PECAM1: variants seen among roughly 807,000 people sequenced by gnomAD.
The protein encoded by PECAM1 is platelet and endothelial cell adhesion molecule 1.
A neutral mutation model predicts 13.8 loss-of-function variants in PECAM1; 8 were observed. That is an observed-to-expected ratio of 0.58 (90% CI 0.34 to 1.05). PECAM1 has a LOEUF of 1.05. PECAM1 is among the 50% of genes least tolerant of loss of function. PECAM1 has a pLI of 0.03. For synonymous variants in PECAM1, 136 were observed against 52.6 expected (o/e 2.58, Z -6.86); for missense variants, 304 against 141.2 (o/e 2.15, Z -5.84).
rs1243165932 is a variant in PECAM1, at chr17:64,356,093, A to G, written c.1780+18T>C. On this transcript the variant is annotated intron_variant, in intron 8 of 15. Transcript: ENST00000563924. The stretch of plus-strand genomic sequence containing the variant: ...TTGGGAGCCCACAGCACAGCTTGCT[A>G]TGGAGACCCTGACTCACCTCTGACT... 3 of 475,030 alleles carry G rather than the reference A, an allele frequency of 6.3e-6. No homozygotes were observed. Among genetic ancestry groups the G allele is most frequent in the Non-Finnish European group, 7.7e-6 (2 of 259,170 alleles). The allele number at this position is 475,030 out of a possible 1,614,324, so 29.4% of individuals were successfully genotyped here.
chr17:64,366,725 C>CA (rs2036114349), intron 5 of PECAM1, among the ~76,000 whole-genome samples: 2 of 147,930 alleles, frequency 1.4e-5, no homozygotes, highest in Non-Finnish European at 1.5e-5. Flanking sequence ...ATAGCAAGGA[C>CA]AAAAAACCAA....
Position 64,356,144 on chromosome 17 carries a change from T to C in PECAM1, c.1747A>G (p.Ser583Gly), listed in dbSNP as rs1034575787. 2.0e-4 allele frequency: 96 copies of C among 475,272 alleles called. No homozygotes were observed. Among genetic ancestry groups the C allele is most frequent in the East Asian group, 1.7e-3 (53 of 31,982 alleles). 29.4% of individuals were successfully genotyped at this position (475,272 alleles called of 1,614,324 possible). ...TAFNRANHAS[S>G]VPRSKILTVR... is the part of the protein sequence containing the mutation. ...GTCAGTATTTTGCTTCTGGGGACAC[T>C]GGAGGCGTGGTTGGCTCTGTTGAAG... The change falls in exon 8 of 16, where the codon AGT becomes GGT. Residue 583 changes from serine to glycine, a missense_variant. Ser to Gly is a moderately conservative substitution (Grantham distance 56). Transcript: ENST00000563924.
rs1195479057 is a variant in PECAM1 at position 64,366,465 on chromosome 17, C to T, written c.968-3068G>A. ...GAAATACCATTTGACCCAGCCATCC[C>T]ATTACTGGGTATATACCCAAAGGAC... On this transcript the variant is annotated intron_variant, in intron 5 of 15. Coordinates refer to ENST00000563924, the MANE Select transcript of PECAM1 (RefSeq NM_000442.5). Among the ~76,000 whole-genome samples the T allele has an allele frequency of 2.0e-5, 3 of 149,950 alleles. No homozygotes were observed. The East Asian group carries it at 6.0e-4, about 30-fold the overall frequency.
In PECAM1 at chr17:64,387,204, C is replaced by T. The variant is rs994323850; in HGVS notation, c.91+3285G>A. Among the ~76,000 whole-genome samples the T allele has an allele frequency of 2.6e-5, 4 of 152,098 alleles. 1 individual carries two copies. The highest frequency in any genetic ancestry group is 9.7e-5 in the African/African-American group (4 of 41,402). On this transcript the variant is annotated intron_variant, in intron 2 of 15. Transcript: ENST00000563924. ...AAGGCAGGAAAGGGGTACAGGGAGC[C>T]GAGGGCTGGAAGTGTCCGTTGCATT... is the stretch of plus-strand genomic sequence containing the variant.
rs1012307884 is a variant in PECAM1 at position 64,352,478 on chromosome 17, T to G, written c.1917-15A>C. 191 of 471,812 alleles carry G rather than the reference T, an allele frequency of 4.0e-4. 1 individual carries two copies. Among genetic ancestry groups the G allele is most frequent in the Middle Eastern group, 2.4e-3 (4 of 1,654 alleles). The allele number at this position is 471,812 out of a possible 1,614,324, so 29.2% of individuals were successfully genotyped here. A position where few individuals can be genotyped will look rare whatever the true frequency, so the allele number is the denominator to read the frequency against. ...GTACTGCTGGCCTTAAAATGAAATA[T>G]AAAAACAGAAAACAATATATAGATA... On this transcript the variant is annotated splice_polypyrimidine_tract_variant and intron_variant, in intron 10 of 15. Coordinates refer to ENST00000563924, the MANE Select transcript of PECAM1 (RefSeq NM_000442.5).
chr17:64,390,345 T>A, intron 2 of PECAM1, 144 bp downstream of exon 2: 1 of 409,334 alleles, frequency 2.4e-6, no homozygotes. Context: ...CCACATGGGA[T>A]AAACTTTAGT....
intron 14 of PECAM1, among the ~76,000 whole-genome samples, chr17:64,337,210 C>G (rs2035303595): frequency 6.6e-6 from 1 of 152,116 alleles, no homozygotes; most frequent in Non-Finnish European, 1.5e-5. Flanking sequence ...CACCCCTGGG[C>G]AGGTTAGAGA....
chr17:64,345,613 T>A (rs1402062988), intron 13 of PECAM1, among the ~76,000 whole-genome samples: 1 of 149,956 alleles, frequency 6.7e-6, no homozygotes, highest in Non-Finnish European at 1.5e-5. Flanking sequence ...CTCAGGAGGC[T>A]GAGGCAGGAG....
chr17:64,386,282 G>T (rs919904285), intron 2 of PECAM1, among the ~76,000 whole-genome samples: 1 of 151,932 alleles, frequency 6.6e-6, no homozygotes, highest in South Asian at 2.1e-4. Flanking sequence ...GTTCGTGCCT[G>T]TAATTGCAGC....
chr17:64,373,398 G>C (rs1244834791), intron 4 of PECAM1, among the ~76,000 whole-genome samples: 1 of 152,024 alleles, frequency 6.6e-6, no homozygotes, highest in African/African-American at 2.4e-5. Flanking sequence ...CAAGTTCTGA[G>C]TTCTAAAATG....
intron 11 of PECAM1, among the ~76,000 whole-genome samples, chr17:64,352,068 C>T (rs8069177): frequency 0.91 from 138,182 of 152,236 alleles, 63,658 homozygotes; most frequent in East Asian, 1. Flanking sequence ...TCATTCAATA[C>T]CTGGTCTCTG....
At chr17:64,324,363 C>T (rs1555645189) in intron 15 of PECAM1, among the ~76,000 whole-genome samples, 2 of 152,232 alleles carry the variant, frequency 1.3e-5, no homozygotes, top group African/African-American at 4.8e-5. Context: ...CCCTCCCTCT[C>T]CTGGCTCCTG....
intron 14 of PECAM1, among the ~76,000 whole-genome samples, chr17:64,331,354 T>G (rs2035113339): frequency 2.0e-5 from 3 of 152,038 alleles, no homozygotes; most frequent in Admixed American, 6.6e-5. Context: ...GCCGGGTAAT[T>G]TTTGTATTTT....
chr17:64,353,811 C>T (rs1349213679), intron 9 of PECAM1, among the ~76,000 whole-genome samples: 1 of 151,958 alleles, frequency 6.6e-6, no homozygotes, highest in Non-Finnish European at 1.5e-5. Context: ...AAGATATTTC[C>T]CCAGAAACAT....
rs542533080 is a variant in PECAM1 at position 64,324,020 on chromosome 17, T to C, written c.2188-175A>G. ...TCTGTGACTTCAGAGGCCCAAGGAG[T>C]CCTCAGCACTACAGATACACGTGGC... On this transcript the variant is annotated intron_variant, in intron 15 of 15. Transcript: ENST00000563924. 163 of 857,360 alleles carry C rather than the reference T, an allele frequency of 1.9e-4. No individual in the cohort carries two copies. In the African/African-American group the frequency reaches 2.2e-3, roughly 12 times the overall value. 53.1% of individuals were successfully genotyped at this position (857,360 alleles called of 1,614,324 possible). A position where few individuals can be genotyped will look rare whatever the true frequency, so the allele number is the denominator to read the frequency against.
chr17:64,355,038 T>G lies in PECAM1; in HGVS notation c.1783A>C (p.Ile595Leu). The change falls in exon 9 of 16, where the codon ATT (isoleucine) becomes CTT (leucine). Residue 595 changes from isoleucine (I) to leucine (L), a missense_variant and splice_region_variant. Physicochemically the swap from Ile to Leu is conservative, Grantham distance 5 (BLOSUM62 2). Coordinates refer to ENST00000563924, the MANE Select transcript of PECAM1 (RefSeq NM_000442.5). ...AGTCCTTTCTTCCATGGGGCAAGAA[T>G]GACTGAAAACAAAACAAAACAAAAA... ...PRSKILTVRV[I>L]LAPWKKGLIA... 2.1e-6 allele frequency: 1 copy of G among 475,376 alleles called. No individual in the cohort carries two copies. The highest frequency in any genetic ancestry group is 3.9e-6 in the Non-Finnish European group (1 of 259,038). The allele number at this position is 475,376 out of a possible 1,614,324, so 29.4% of individuals were successfully genotyped here.
At position 64,320,322 on chromosome 17, in the gene PECAM1, T is replaced by G. The variant is rs1198269950; in HGVS notation, c.*3494A>C. The G allele has an allele frequency of 6.6e-6, 1 of 152,298 alleles. No individual in the cohort carries two copies. 9.4% of individuals were successfully genotyped at this position (152,298 alleles called of 1,614,324 possible). The stretch of plus-strand genomic sequence containing the variant: ...CAATTCTTAGGGGACAGTGACAGCT[T>G]TTTGAGGAGGACTAATTGGCTTCTA... On this transcript the variant is annotated 3_prime_UTR_variant, in exon 16 of 16. Coordinates refer to ENST00000563924, the MANE Select transcript of PECAM1 (RefSeq NM_000442.5).
intron 5 of PECAM1, 60 bp from the exon 6 acceptor site, chr17:64,363,457 T>C (rs941544771): frequency 8.9e-5 from 42 of 473,342 alleles, no homozygotes; most frequent in Admixed American, 1.3e-4. Flanking sequence ...TAAAGACCCT[T>C]CCTGGAGAGG....
chr17:64,339,003 C>G (rs2035357955), intron 14 of PECAM1, among the ~76,000 whole-genome samples: 2 of 152,170 alleles, frequency 1.3e-5, no homozygotes, highest in African/African-American at 2.4e-5. Context: ...GGGCCCCAGT[C>G]AGAGCACTTA....
Sources: gnomAD v4.1 joint callset for allele counts (sites outside exome capture counted in the v4.1 genomes callset) on GRCh38, gnomAD v4.1.1 for gene constraint, MANE v1.5 for transcripts, NCBI Gene and HGNC (gene_info 2026-07-23, HGNC 2026-07-21) for gene names.